The following SLC38A6 variants were observed in gnomAD, a reference collection of about 807,000 sequenced individuals.
SLC38A6 encodes N system amino acid transporter NAT-1.
SLC38A6 carries 73 observed loss-of-function variants against 65.0 expected under a neutral mutation model. That is an observed-to-expected ratio of 1.12 (90% CI 0.93 to 1.37). The LOEUF is 1.37. Among genes scored for constraint, SLC38A6 ranks in the 40% most tolerant of loss-of-function variants. The pLI is 0.00. For missense variants in SLC38A6, 561 were observed against 531.1 expected (o/e 1.06, Z -0.55); for synonymous variants, 183 against 178.8 (o/e 1.02, Z -0.19).
intron 3 of SLC38A6, among the ~76,000 whole-genome samples, chr14:60,990,086 A>G (rs557818609): frequency 2.6e-5 from 4 of 151,690 alleles, no homozygotes; most frequent in South Asian, 4.2e-4. Context: ...CTGGAATGCA[A>G]TGGTGTGATT....
intron 8 of SLC38A6, among the ~76,000 whole-genome samples, chr14:61,038,995 T>C (rs1442737463): frequency 6.6e-6 from 1 of 152,232 alleles, no homozygotes; most frequent in Non-Finnish European, 1.5e-5. Context: ...CAAATGAATG[T>C]ATGGATATTA....
At chr14:61,080,465 T>C (rs1285935993) in intron 16 of SLC38A6, among the ~76,000 whole-genome samples, 1 of 152,176 alleles carries the variant, frequency 6.6e-6, no homozygotes, top group East Asian at 1.9e-4. Context: ...CAAAAATATA[T>C]CTTACACTGC....
intron 3 of SLC38A6, among the ~76,000 whole-genome samples, chr14:61,006,591 C>G (rs1260772718): frequency 3.3e-5 from 5 of 152,176 alleles, no homozygotes; most frequent in Admixed American, 2.6e-4. Context: ...CCATCACTGG[C>G]CATCAGAGAA....
intron 3 of SLC38A6, among the ~76,000 whole-genome samples, chr14:61,013,523 T>A (rs1001294059): frequency 6.6e-6 from 1 of 152,182 alleles, no homozygotes; most frequent in Non-Finnish European, 1.5e-5. Flanking sequence ...TGACTGGTAC[T>A]GGTTGTTCCT....
At chr14:60,993,021 A>G (rs902403150) in intron 3 of SLC38A6, among the ~76,000 whole-genome samples, 1 of 151,800 alleles carries the variant, frequency 6.6e-6, no homozygotes, top group African/African-American at 2.4e-5. Flanking sequence ...TGATTTTTGT[A>G]TTTTTTAGTA....
intron 6 of SLC38A6, among the ~76,000 whole-genome samples, chr14:61,034,741 A>G (rs2041235920): frequency 6.6e-6 from 1 of 152,174 alleles, no homozygotes; most frequent in Admixed American, 6.6e-5. Flanking sequence ...CCTGCATACC[A>G]GGAATTGAGG....
intron 3 of SLC38A6, among the ~76,000 whole-genome samples, chr14:60,991,630 C>T (rs573706747): frequency 1.2e-4 from 19 of 152,224 alleles, no homozygotes; most frequent in Non-Finnish European, 2.9e-5. Context: ...TCTTCTTGGA[C>T]GTTTCTTCCC....
intron 15 of SLC38A6, among the ~76,000 whole-genome samples, chr14:61,075,859 C>T (rs2043395235): frequency 6.9e-6 from 1 of 144,502 alleles, no homozygotes; most frequent in Non-Finnish European, 1.5e-5. Context: ...AGCCACTCAA[C>T]TTCCTTTTTT....
rs185559135 is a variant in SLC38A6 at position 61,047,106 on chromosome 14, A to G, written c.925+939A>G. 2.0e-4 allele frequency among the ~76,000 whole-genome samples: 31 copies of G among 152,238 alleles called. No individual in the cohort carries two copies. In the East Asian group the frequency reaches 6.0e-3, roughly 29 times the overall value. ...ATAGCTATATATTTCTTTTATTAAA[A>G]TTGCTACCTGGCACAAACACTATTA... is the stretch of plus-strand genomic sequence containing the variant. On this transcript the variant is annotated intron_variant, in intron 12 of 15. Transcript: ENST00000267488.
intron 15 of SLC38A6, among the ~76,000 whole-genome samples, chr14:61,070,857 G>A (rs2043204957): frequency 3.9e-5 from 6 of 152,102 alleles, no homozygotes; most frequent in Admixed American, 3.9e-4. Flanking sequence ...TGTCTTTGGG[G>A]AAATTTCTTT....
At chr14:61,023,554 CT>C (rs1413843013) in intron 5 of SLC38A6, among the ~76,000 whole-genome samples, 1 of 109,076 alleles carries the variant, frequency 9.2e-6, no homozygotes, top group Non-Finnish European at 1.9e-5. Flanking sequence ...ACCTGGGCAA[CT>C]GTCTCAAAAA....
At chr14:61,005,151 A>C (rs547826381) in intron 3 of SLC38A6, among the ~76,000 whole-genome samples, 1 of 150,820 alleles carries the variant, frequency 6.6e-6, no homozygotes, top group East Asian at 2.0e-4. Flanking sequence ...CATGCTAAAA[A>C]CAATAAATTA....
At chr14:61,025,704 T>C (rs745447889) in intron 5 of SLC38A6, among the ~76,000 whole-genome samples, 135 of 152,328 alleles carry the variant, frequency 8.9e-4, no homozygotes, top group Non-Finnish European at 9.8e-4. Flanking sequence ...GACAAAGATA[T>C]ACATTTTTTT....
At chr14:61,079,933 G>T (rs545945378) in intron 16 of SLC38A6, among the ~76,000 whole-genome samples, 1 of 151,384 alleles carries the variant, frequency 6.6e-6, no homozygotes, top group African/African-American at 2.4e-5. Flanking sequence ...CATGTGTAGA[G>T]CTTCTAGAAC....
chr14:61,004,972 C>T (rs2038983817), intron 3 of SLC38A6, among the ~76,000 whole-genome samples: 1 of 152,032 alleles, frequency 6.6e-6, no homozygotes, highest in African/African-American at 2.4e-5. Context: ...AGCAGCACAT[C>T]AAAAAGCTTA....
intron 3 of SLC38A6, chr14:60,986,904 C>T (rs2037487391): frequency 5.0e-6 from 1 of 198,558 alleles, no homozygotes; most frequent in East Asian, 1.7e-4. Context: ...GTGGAGATTT[C>T]TAAGTAATTT....
Position 61,030,527 on chromosome 14 carries a change from A to G in SLC38A6, c.482+4A>G. 6.3e-7 allele frequency: 1 copy of G among 1,588,458 alleles called. No homozygotes were observed. Among genetic ancestry groups the G allele is most frequent in the Non-Finnish European group, 8.6e-7 (1 of 1,160,978 alleles). On this transcript the variant is annotated splice_donor_region_variant and intron_variant, in intron 6 of 15. Coordinates refer to ENST00000267488, the MANE Select transcript of SLC38A6 (RefSeq NM_153811.3). ...TTTTGACTGGAGACTATAGTAGGTA[A>G]GAAAAAGTATTTTACATTGTGTCCG...
At chr14:61,061,814 C>T (rs1054630750) in intron 15 of SLC38A6, among the ~76,000 whole-genome samples, 3 of 86,600 alleles carry the variant, frequency 3.5e-5, no homozygotes, top group Non-Finnish European at 5.5e-5. Flanking sequence ...TCTAAGCATT[C>T]GTGTGCAGGT....
chr14:61,061,296 T>C (rs1594770978), intron 15 of SLC38A6, among the ~76,000 whole-genome samples: 1 of 152,254 alleles, frequency 6.6e-6, no homozygotes. Context: ...TACTTGATCA[T>C]GGTGGATTAA....
Sources: gnomAD v4.1 joint callset for allele counts (sites outside exome capture counted in the v4.1 genomes callset) on GRCh38, gnomAD v4.1.1 for gene constraint, MANE v1.5 for transcripts, NCBI Gene and HGNC (gene_info 2026-07-23, HGNC 2026-07-21) for gene names.